Variants in ABCA9 observed in about 807,000 individuals in gnomAD.
ABCA9 encodes the protein ATP binding cassette subfamily A member 9, also known as ATP-binding cassette sub-family A member 9.
Under a neutral mutation model 205.3 loss-of-function variants are expected in ABCA9, and 183 were observed. The ratio of observed to expected loss-of-function variants is 0.89; its 90% CI spans 0.79 to 1.01. The LOEUF (loss-of-function observed/expected upper bound fraction) is 1.01. ABCA9 is among the 50% of genes least tolerant of loss of function. The pLI is 0.00. For synonymous variants in ABCA9, 651 were observed against 683.3 expected, an observed-to-expected ratio of 0.95 and a Z score of 0.74; for missense variants, 1,805 against 1,912.4, an observed-to-expected ratio of 0.94 and a Z score of 1.05.
chr17:69,017,158 C>T (rs1330610854), intron 21 of ABCA9, among the ~76,000 whole-genome samples: 1 of 152,152 alleles, frequency 6.6e-6, no homozygotes, highest in African/African-American at 2.4e-5. Flanking sequence ...TTACAAATGG[C>T]CACACTTCGT....
At chr17:69,067,896 G>T in the ABCA9 span, among the ~76,000 whole-genome samples, 1 of 152,150 alleles carries the variant, frequency 6.6e-6, no homozygotes, top group Non-Finnish European at 1.5e-5. Flanking sequence ...TAAAAACAAA[G>T]AGTTTATTTT....
chr17:68,980,455 A>G (rs1235378188), intron 37 of ABCA9, among the ~76,000 whole-genome samples: 3 of 152,122 alleles, frequency 2.0e-5, no homozygotes, highest in African/African-American at 7.3e-5. Flanking sequence ...AAAGGATTAT[A>G]AATCATGCTG....
chr17:69,054,454 A>G (rs2072004650), intron 1 of ABCA9, among the ~76,000 whole-genome samples: 1 of 151,054 alleles, frequency 6.6e-6, no homozygotes, highest in Non-Finnish European at 1.5e-5. Context: ...CTTGGGCCTG[A>G]GAGGTGGAGG....
intron 6 of ABCA9, among the ~76,000 whole-genome samples, chr17:69,038,049 C>T (rs975036873): frequency 3.3e-5 from 5 of 152,094 alleles, no homozygotes; most frequent in South Asian, 2.1e-4. Flanking sequence ...TGACCAATAA[C>T]AAGTTCTGAA....
At chr17:69,051,932 A>T (rs1434782474) in intron 1 of ABCA9, among the ~76,000 whole-genome samples, 1 of 152,238 alleles carries the variant, frequency 6.6e-6, no homozygotes, top group South Asian at 2.1e-4. Flanking sequence ...ATAAGAATGG[A>T]GGTTGGGTGA....
Position 68,989,878 on chromosome 17 carries a change from T to C in ABCA9, c.3890A>G (p.Lys1297Arg). The C allele has an allele frequency of 6.2e-7, 1 of 1,613,646 alleles. No homozygotes were observed. The highest frequency in any genetic ancestry group is 1.1e-5 in the South Asian group (1 of 90,974). ...CLRKEYAGKKKNCFSKRKKKI... is the reference protein window; with the variant it reads ...CLRKEYAGKKRNCFSKRKKKI... ...TTTCTTCCTTTTAGAAAAGCAATTT[T>C]TCTTTTTGCCTGCATATTCCTTCCG... is the stretch of plus-strand genomic sequence containing the variant. The change falls in exon 30 of 39, where the codon AAA becomes AGA. Residue 1297 changes from lysine to arginine, a missense_variant. Transcript: ENST00000340001.
chr17:69,033,315 A>AAAAAG, intron 9 of ABCA9: 1 of 152,200 alleles, frequency 6.6e-6, no homozygotes, highest in African/African-American at 2.4e-5. Flanking sequence ...AAAAAAAAAA[A>AAAAAG]AAAAAAAGGA....
the ABCA9 span, among the ~76,000 whole-genome samples, chr17:69,075,618 G>T: frequency 6.6e-6 from 1 of 152,066 alleles, no homozygotes; most frequent in Non-Finnish European, 1.5e-5. Flanking sequence ...TTTTGTACAA[G>T]TATCATGCTG....
Position 68,983,747 on chromosome 17 carries a change from C to A in ABCA9, c.4602G>T (p.Glu1534Asp). The change falls in exon 36 of 39, where the codon GAG (glutamate) becomes GAT (aspartate). Residue 1534 changes from glutamate to aspartate, a missense_variant. Physicochemically the swap from Glu to Asp is conservative, Grantham distance 45. Transcript: ENST00000340001. Reference sequence around the variant, plus strand: ...CAGCCTGGGGGAAAAGCCTCAGGATCTCTGCATGGAGGGGCTCCATTTGTG... The same window carrying A: ...CAGCCTGGGGGAAAAGCCTCAGGATATCTGCATGGAGGGGCTCCATTTGTG... ...NLAQMEPLHA[E>D]ILRLFPQAAQ... The A allele has an allele frequency of 3.7e-6, 6 of 1,614,090 alleles. No homozygotes were observed. Among genetic ancestry groups the A allele is most frequent in the Non-Finnish European group, 4.2e-6 (5 of 1,180,040 alleles).
chr17:69,054,120 A>G (rs1250556438), intron 1 of ABCA9, among the ~76,000 whole-genome samples: 6 of 152,208 alleles, frequency 3.9e-5, no homozygotes, highest in African/African-American at 1.4e-4. Context: ...ATGAAAGAGA[A>G]GTACTTTCTC....
At chr17:68,999,229 A>C (rs2069745700) in intron 25 of ABCA9, among the ~76,000 whole-genome samples, 3 of 136,446 alleles carry the variant, frequency 2.2e-5, no homozygotes, top group Non-Finnish European at 3.2e-5. Flanking sequence ...GCACCCACTA[A>C]CTCGTCATCT....
intron 31 of ABCA9, among the ~76,000 whole-genome samples, chr17:68,987,049 C>T (rs929271805): frequency 2.6e-5 from 4 of 152,136 alleles, no homozygotes; most frequent in Non-Finnish European, 5.9e-5. Flanking sequence ...TCTAATGTGT[C>T]CTCAGTGCTT....
upstream of ABCA9, among the ~76,000 whole-genome samples, chr17:69,064,267 T>C (rs2072319946): frequency 6.6e-6 from 1 of 152,194 alleles, no homozygotes; most frequent in Non-Finnish European, 1.5e-5. Flanking sequence ...TTTTCCTTTT[T>C]CCCCAACTAT....
At chr17:68,990,363 A>G (rs1427501255) in intron 29 of ABCA9, among the ~76,000 whole-genome samples, 5 of 152,168 alleles carry the variant, frequency 3.3e-5, no homozygotes, top group Non-Finnish European at 4.4e-5. Context: ...ATACAAGTCA[A>G]TATCTGTGTG....
At chr17:68,990,057 C>T in intron 29 of ABCA9, 127 bp from the exon 30 acceptor site, 1 of 707,718 alleles carries the variant, frequency 1.4e-6, no homozygotes, top group South Asian at 1.9e-5. Flanking sequence ...CCCCTAGAAA[C>T]TGCCATTTTC....
intron 23 of ABCA9, among the ~76,000 whole-genome samples, chr17:69,010,194 AG>A (rs1456365229): frequency 6.6e-6 from 1 of 152,020 alleles, no homozygotes; most frequent in Non-Finnish European, 1.5e-5. Flanking sequence ...AAAAAAGCAA[AG>A]GTTCAGATAA....
the ABCA9 span, among the ~76,000 whole-genome samples, chr17:69,069,673 A>G: frequency 6.6e-6 from 1 of 151,430 alleles, no homozygotes; most frequent in Non-Finnish European, 1.5e-5. Flanking sequence ...GACAGCGTTG[A>G]AATAGTTTAG....
intron 11 of ABCA9, 23 bp downstream of exon 11, chr17:69,029,146 T>G (rs1410287065): frequency 1.4e-6 from 2 of 1,432,030 alleles, no homozygotes; most frequent in Non-Finnish European, 1.9e-6. Flanking sequence ...GCAGCCCCAT[T>G]AAATAAAATA....
chr17:69,008,054 C>G lies in ABCA9; in HGVS notation c.3321+8G>C, dbSNP rs1444077967. The G allele has an allele frequency of 1.3e-5, 21 of 1,595,700 alleles. No homozygotes were observed. The highest frequency in any genetic ancestry group is 1.7e-5 in the Non-Finnish European group (20 of 1,168,772). ...TAATAAAACCATTTCAAAATTGCTG[C>G]CACTTACTTGAATTAACAGGTTTTG... On this transcript the variant is annotated splice_region_variant and intron_variant, in intron 24 of 38. Coordinates refer to ENST00000340001, the MANE Select transcript of ABCA9 (RefSeq NM_080283.4).
Sources: gnomAD v4.1 joint callset for allele counts (sites outside exome capture counted in the v4.1 genomes callset) on GRCh38, gnomAD v4.1.1 for gene constraint, MANE v1.5 for transcripts, NCBI Gene and HGNC (gene_info 2026-07-23, HGNC 2026-07-21) for gene names.